Variants in GATAD1 observed in about 807,000 individuals in gnomAD.
GATAD1 encodes the protein GATA zinc finger domain-containing protein 1.
A neutral mutation model predicts 26.5 loss-of-function variants in GATAD1; 12 were observed. That is an observed-to-expected ratio of 0.45 (90% CI 0.29 to 0.73). The LOEUF (loss-of-function observed/expected upper bound fraction) is 0.73, where lower values mean the gene tolerates loss of function less well. Among genes scored for constraint, GATAD1 ranks in the 30% least tolerant of loss-of-function variants. GATAD1 has a pLI of 0.10. For missense variants in GATAD1, 266 were observed against 342.1 expected, an observed-to-expected ratio of 0.78 and a Z score of 1.75; for synonymous variants, 129 against 133.1, an observed-to-expected ratio of 0.97 and a Z score of 0.21.
At chr7:92,454,740 T>C in intron 4 of GATAD1, 55 bp downstream of exon 4, 1 of 1,219,714 alleles carries the variant, frequency 8.2e-7, no homozygotes, top group Non-Finnish European at 1.2e-6. Context: ...TCTCCAATAT[T>C]ATGTAAAAGA....
intron 3 of GATAD1, among the ~76,000 whole-genome samples, chr7:92,453,352 A>G (rs1335850507): frequency 6.6e-6 from 1 of 152,184 alleles, no homozygotes; most frequent in Non-Finnish European, 1.5e-5. Context: ...ATCAACCATT[A>G]TGGGTGTTCA....
the GATAD1 span, among the ~76,000 whole-genome samples, chr7:92,480,728 G>A: frequency 6.6e-6 from 1 of 152,194 alleles, no homozygotes; most frequent in African/African-American, 2.4e-5. Flanking sequence ...AGGGACAGAA[G>A]TTGGAACGCT....
At chr7:92,478,191 C>T in the GATAD1 span, among the ~76,000 whole-genome samples, 6 of 152,182 alleles carry the variant, frequency 3.9e-5, no homozygotes, top group Non-Finnish European at 8.8e-5. Context: ...TCCTGTCTCT[C>T]AGTTGCAAGA....
chr7:92,490,917 T>G, the GATAD1 span, among the ~76,000 whole-genome samples: 3 of 152,242 alleles, frequency 2.0e-5, no homozygotes, highest in African/African-American at 4.8e-5. Context: ...TCTTACATTA[T>G]TGTATCAAAT....
At chr7:92,466,174 A>AT in the GATAD1 span, among the ~76,000 whole-genome samples, 733 of 149,812 alleles carry the variant, frequency 4.9e-3, 11 homozygotes, top group African/African-American at 0.017. Flanking sequence ...CAGCAATTTT[A>AT]TTTTTTTTTT....
the GATAD1 span, among the ~76,000 whole-genome samples, chr7:92,473,518 C>T: frequency 6.6e-6 from 1 of 152,036 alleles, no homozygotes; most frequent in Non-Finnish European, 1.5e-5. Flanking sequence ...TTAATTCCTT[C>T]CTCAAGCAGG....
In GATAD1 at chr7:92,454,365, A is replaced by G; in HGVS notation, c.436-137A>G. On this transcript the variant is annotated intron_variant, in intron 3 of 4. Coordinates refer to ENST00000287957, the MANE Select transcript of GATAD1 (RefSeq NM_021167.5). ...CAACTTTAGAATTGGCACCAAACAT[A>G]TAAACACTGATACATTAGACTATCT... 3 of 683,852 alleles carry G rather than the reference A, an allele frequency of 4.4e-6. No homozygotes were observed. The South Asian group carries it at 5.2e-5, about 12-fold the overall frequency. The allele number at this position is 683,852 out of a possible 1,614,324, so 42.4% of individuals were successfully genotyped here. A position where few individuals can be genotyped will look rare whatever the true frequency, so the allele number is the denominator to read the frequency against.
chr7:92,464,600 C>A (rs930561695), downstream of GATAD1, among the ~76,000 whole-genome samples: 2 of 152,176 alleles, frequency 1.3e-5, no homozygotes, highest in Non-Finnish European at 2.9e-5. Context: ...AATCATCTGT[C>A]CTTGTGTCTT....
At chr7:92,468,988 C>T in the GATAD1 span, 2 of 759,762 alleles carry the variant, frequency 2.6e-6, no homozygotes, top group South Asian at 2.7e-5. Flanking sequence ...GATACAGGGT[C>T]CAAAGAGGAG....
chr7:92,470,320 G>T, the GATAD1 span: 3 of 772,290 alleles, frequency 3.9e-6, no homozygotes, highest in African/African-American at 3.4e-5. Context: ...TGGAGGGGGT[G>T]CAGTGAGAGT....
At chr7:92,482,968 T>G in the GATAD1 span, among the ~76,000 whole-genome samples, 1 of 152,166 alleles carries the variant, frequency 6.6e-6, no homozygotes, top group African/African-American at 2.4e-5. Context: ...GGGGATGGAC[T>G]TAGCCTCCAC....
downstream of GATAD1, chr7:92,462,946 A>C (rs146502836): frequency 2.6e-5 from 4 of 152,334 alleles, no homozygotes; most frequent in African/African-American, 9.6e-5. Flanking sequence ...AGGCTACGGT[A>C]TTTTGTTGCA....
chr7:92,454,378 C>A (rs776757859), intron 3 of GATAD1, 124 bp from the exon 4 acceptor site: 2 of 731,720 alleles, frequency 2.7e-6, no homozygotes, highest in South Asian at 3.2e-5. Flanking sequence ...AACACTGATA[C>A]ATTAGACTAT....
the GATAD1 span, chr7:92,469,296 G>A: frequency 3.5e-5 from 27 of 764,476 alleles, no homozygotes; most frequent in African/African-American, 1.9e-4. Context: ...CCAGGGAGTC[G>A]GCGACCCGTT....
At chr7:92,475,521 G>T in the GATAD1 span, among the ~76,000 whole-genome samples, 1 of 152,158 alleles carries the variant, frequency 6.6e-6, no homozygotes, top group Non-Finnish European at 1.5e-5. Context: ...CAGGCTGCTG[G>T]ATTCTAGTGG....
chr7:92,491,681 T>C, the GATAD1 span: 1 of 501,246 alleles, frequency 2.0e-6, no homozygotes, highest in Non-Finnish European at 3.4e-6. Flanking sequence ...CTATTAAAAT[T>C]ATAAAGACAA....
intron 2 of GATAD1, chr7:92,449,736 A>G (rs937480934): frequency 3.2e-5 from 11 of 344,936 alleles, no homozygotes; most frequent in African/African-American, 2.5e-4. Flanking sequence ...TCTGGGATAC[A>G]TGTGCAGAAT....
chr7:92,455,193 A>T (rs976982183), intron 4 of GATAD1, among the ~76,000 whole-genome samples: 3 of 152,166 alleles, frequency 2.0e-5, no homozygotes, highest in African/African-American at 7.2e-5. Flanking sequence ...TATAGAAAAT[A>T]TGAGGCATTT....
the GATAD1 span, among the ~76,000 whole-genome samples, chr7:92,486,292 A>G: frequency 6.6e-6 from 1 of 152,156 alleles, no homozygotes; most frequent in Non-Finnish European, 1.5e-5. Context: ...CCTGGAGGGG[A>G]CACACCTTGG....
Sources: allele counts gnomAD v4.1 joint callset (sites outside exome capture counted in the v4.1 genomes callset), GRCh38; gene constraint gnomAD v4.1.1; transcripts MANE v1.5; gene names NCBI Gene and HGNC (gene_info 2026-07-23, HGNC 2026-07-21).